Variants in YEATS4 observed in about 807,000 individuals in gnomAD.
YEATS4 encodes YEATS domain-containing protein 4.
YEATS4 carries 17 observed loss-of-function variants against 30.1 expected under a neutral mutation model. The observed-to-expected ratio is 0.56, with a 90% CI of 0.39 to 0.85. The LOEUF (loss-of-function observed/expected upper bound fraction) is 0.85. Among genes scored for constraint, YEATS4 ranks in the 40% least tolerant of loss-of-function variants. The pLI, the probability that YEATS4 is intolerant of heterozygous loss-of-function variation, is 0.00. For synonymous variants in YEATS4, 85 were observed against 87.5 expected, an observed-to-expected ratio of 0.97 and a Z score of 0.16; for missense variants, 142 against 268.3, an observed-to-expected ratio of 0.53 and a Z score of 3.29.
the YEATS4 span, among the ~76,000 whole-genome samples, chr12:69,401,516 G>A: frequency 6.6e-6 from 1 of 152,158 alleles, no homozygotes; most frequent in Non-Finnish European, 1.5e-5. Flanking sequence ...CCTAAGCAGT[G>A]CTGCTAGGTA....
At chr12:69,375,178 T>G (rs1446313837) in intron 6 of YEATS4, among the ~76,000 whole-genome samples, 1 of 145,904 alleles carries the variant, frequency 6.9e-6, no homozygotes, top group Non-Finnish European at 1.5e-5. Flanking sequence ...GGCTCCTCAC[T>G]TCTCAGACGG....
chr12:69,416,039 A>G, the YEATS4 span, among the ~76,000 whole-genome samples: 1 of 152,184 alleles, frequency 6.6e-6, no homozygotes, highest in South Asian at 2.1e-4. Context: ...GAGCCATTAC[A>G]CCAGCCTTGG....
Position 69,370,815 on chromosome 12 carries a change from A to G in YEATS4, c.426+17A>G, listed in dbSNP as rs373368416. ...GATGAAATGGTAAGAAGATTTTATA[A>G]TGATAGTTTTAAAAGCATTTGAAGT... On this transcript the variant is annotated intron_variant, in intron 5 of 6. Transcript: ENST00000247843. 4 of 1,594,878 alleles carry G rather than the reference A, an allele frequency of 2.5e-6. No individual in the cohort carries two copies. The highest frequency in any genetic ancestry group is 3.4e-6 in the Non-Finnish European group (4 of 1,174,162).
chr12:69,410,941 A>G, the YEATS4 span, among the ~76,000 whole-genome samples: 1 of 152,214 alleles, frequency 6.6e-6, no homozygotes, highest in African/African-American at 2.4e-5. Flanking sequence ...TTTCTAGGAC[A>G]TTATGTCAAA....
chr12:69,414,857 C>T, the YEATS4 span, among the ~76,000 whole-genome samples: 1 of 152,148 alleles, frequency 6.6e-6, no homozygotes, highest in Non-Finnish European at 1.5e-5. Flanking sequence ...GGAATGAATT[C>T]GCACTGTGTT....
At chr12:69,413,166 A>C in the YEATS4 span, among the ~76,000 whole-genome samples, 1 of 152,040 alleles carries the variant, frequency 6.6e-6, no homozygotes, top group African/African-American at 2.4e-5. Flanking sequence ...CTATCCCACC[A>C]CTGTGAGAGG....
At chr12:69,399,152 A>G in the YEATS4 span, among the ~76,000 whole-genome samples, 2 of 152,122 alleles carry the variant, frequency 1.3e-5, no homozygotes, top group Non-Finnish European at 2.9e-5. Flanking sequence ...GTCCCCCCCA[A>G]AAAAACAAAC....
At chr12:69,361,607 ATTG>A (rs1440907052) in intron 1 of YEATS4, among the ~76,000 whole-genome samples, 5 of 149,732 alleles carry the variant, frequency 3.3e-5, no homozygotes, top group Non-Finnish European at 7.5e-5. Context: ...CTTCATTTTT[ATTG>A]TTGTTGGTTA....
rs779856060 is a variant in YEATS4, at chr12:69,370,664, A to G, written c.334-42A>G. 6 of 1,460,448 alleles carry G rather than the reference A, an allele frequency of 4.1e-6. No homozygotes were observed. The African/African-American group carries it at 8.6e-5, about 21-fold the overall frequency. 90.5% of individuals were successfully genotyped at this position (1,460,448 alleles called of 1,614,324 possible). On this transcript the variant is annotated intron_variant, in intron 4 of 6. Transcript: ENST00000247843. The stretch of plus-strand genomic sequence containing the variant: ...AAAAATGCCAGTATCTTATGATGAT[A>G]AAAACCATTGCACAGATTTGACATC...
intron 6 of YEATS4, among the ~76,000 whole-genome samples, chr12:69,381,285 C>T (rs919742493): frequency 4.6e-5 from 7 of 152,298 alleles, no homozygotes; most frequent in South Asian, 2.1e-4. Context: ...AAGAATTCAG[C>T]GATATTTCTG....
rs974853924 is a variant in YEATS4 at position 69,390,624 on chromosome 12, C to G, written c.*308C>G. On this transcript the variant is annotated 3_prime_UTR_variant, in exon 7 of 7. Coordinates refer to ENST00000247843, the MANE Select transcript of YEATS4 (RefSeq NM_006530.4). ...AGCTTATTACCCTTTTGACAGGCAT[C>G]AAAATTTCATTATAAAGTATTACTT... 2 of 163,870 alleles carry G rather than the reference C, an allele frequency of 1.2e-5. No individual in the cohort carries two copies. Among genetic ancestry groups the G allele is most frequent in the Non-Finnish European group, 2.6e-5 (2 of 75,664 alleles). 10.2% of individuals were successfully genotyped at this position (163,870 alleles called of 1,614,324 possible). A position where few individuals can be genotyped will look rare whatever the true frequency, so the allele number is the denominator to read the frequency against.
intron 4 of YEATS4, 29 bp from the exon 5 acceptor site, chr12:69,370,677 C>A: frequency 1.3e-6 from 2 of 1,498,964 alleles, no homozygotes; most frequent in Non-Finnish European, 1.8e-6. Context: ...AACCATTGCA[C>A]AGATTTGACA....
the YEATS4 span, among the ~76,000 whole-genome samples, chr12:69,413,699 A>G: frequency 3.3e-5 from 5 of 152,164 alleles, no homozygotes; most frequent in African/African-American, 1.2e-4. Context: ...TAAAAATACA[A>G]AAATTAGCCA....
the YEATS4 span, among the ~76,000 whole-genome samples, chr12:69,426,086 C>G: frequency 6.6e-6 from 1 of 151,974 alleles, no homozygotes; most frequent in African/African-American, 2.4e-5. Context: ...GAAAAACAAA[C>G]AAAAAATTAG....
the YEATS4 span, among the ~76,000 whole-genome samples, chr12:69,421,741 A>C: frequency 6.6e-6 from 1 of 152,226 alleles, no homozygotes; most frequent in Non-Finnish European, 1.5e-5. Context: ...CCTGGTGACC[A>C]CATGCCCCAC....
chr12:69,389,499 G>A (rs939142787), intron 6 of YEATS4, among the ~76,000 whole-genome samples: 1 of 148,468 alleles, frequency 6.7e-6, no homozygotes, highest in African/African-American at 2.5e-5. Context: ...AAGAATACTT[G>A]TAGTTAACGC....
chr12:69,383,330 G>A (rs140215416), intron 6 of YEATS4, among the ~76,000 whole-genome samples: 1,559 of 152,280 alleles, frequency 0.01, 30 homozygotes, highest in African/African-American at 0.036. Context: ...AAGTTGAGAT[G>A]TTGAGAAGGA....
chr12:69,364,094 CTTTCT>C (rs1875336605), intron 2 of YEATS4: 2 of 409,628 alleles, frequency 4.9e-6, no homozygotes, highest in Admixed American at 2.7e-5. Context: ...ATGGATATGG[CTTTCT>C]TTTGTGTGAT....
chr12:69,407,702 C>CT, the YEATS4 span, among the ~76,000 whole-genome samples: 786 of 62,632 alleles, frequency 0.013, 67 homozygotes, highest in African/African-American at 0.03. Flanking sequence ...TACTTTTTGT[C>CT]TTTTTTTTTT....
Sources: gnomAD v4.1 joint callset for allele counts (sites outside exome capture counted in the v4.1 genomes callset) on GRCh38, gnomAD v4.1.1 for gene constraint, MANE v1.5 for transcripts, NCBI Gene and HGNC (gene_info 2026-07-23, HGNC 2026-07-21) for gene names.